The following PTPRM variants were observed in gnomAD, a reference collection of about 807,000 sequenced individuals.
PTPRM encodes the protein protein tyrosine phosphatase receptor type M, also known as receptor-type tyrosine-protein phosphatase mu.
PTPRM carries 47 observed loss-of-function variants against 186.7 expected under a neutral mutation model. That is an observed-to-expected ratio of 0.25 (90% CI 0.20 to 0.32). The LOEUF (loss-of-function observed/expected upper bound fraction) is 0.32, where lower values mean the gene tolerates loss of function less well. Among genes scored for constraint, PTPRM ranks in the 10% least tolerant of loss-of-function variants. PTPRM has a pLI of 1.00. For synonymous variants in PTPRM, 668 were observed against 674.9 expected, an observed-to-expected ratio of 0.99 and a Z score of 0.16; for missense variants, 1,494 against 1,865.0, an observed-to-expected ratio of 0.80 and a Z score of 3.66.
intron 22 of PTPRM, among the ~76,000 whole-genome samples, chr18:8,324,535 G>A (rs957490590): frequency 3.3e-5 from 5 of 152,190 alleles, no homozygotes; most frequent in Non-Finnish European, 5.9e-5. Context: ...ACAGCCAGAA[G>A]GCTGGGATCC....
intron 30 of PTPRM, among the ~76,000 whole-genome samples, chr18:8,386,636 A>G (rs888500633): frequency 1.3e-5 from 2 of 152,260 alleles, no homozygotes; most frequent in Non-Finnish European, 2.9e-5. Flanking sequence ...AAGATTCAAC[A>G]TCAATAAGCA....
intron 2 of PTPRM, among the ~76,000 whole-genome samples, chr18:7,847,253 G>A (rs530509571): frequency 4.0e-5 from 6 of 150,626 alleles, no homozygotes; most frequent in Non-Finnish European, 5.9e-5. Context: ...TGCAGCCTCA[G>A]CCACCCAAGC....
intron 2 of PTPRM, among the ~76,000 whole-genome samples, chr18:7,787,943 GAAT>G (rs1303454584): frequency 1.3e-5 from 2 of 152,224 alleles, no homozygotes; most frequent in East Asian, 3.9e-4. Flanking sequence ...CGTGAACTGA[GAAT>G]AATAAAGTCA....
intron 1 of PTPRM, among the ~76,000 whole-genome samples, chr18:7,772,388 TTTCTTTCTTTCTTTCTTTCTTTCTTTTC>T (rs1298673222): frequency 7.3e-6 from 1 of 137,132 alleles, no homozygotes; most frequent in Admixed American, 7.5e-5. Context: ...TCTTTCTTTC[TTTCTTTCTTTCTTTCTTTCTTTCTTTTC>T]TTTCTTTCTC....
intron 23 of PTPRM, among the ~76,000 whole-genome samples, chr18:8,344,631 C>T (rs1032098830): frequency 8.6e-5 from 13 of 151,768 alleles, no homozygotes; most frequent in Non-Finnish European, 1.6e-4. Flanking sequence ...TTAATAAAGA[C>T]AGCTACTACA....
At chr18:7,661,620 C>G (rs2038982728) in intron 1 of PTPRM, among the ~76,000 whole-genome samples, 1 of 152,232 alleles carries the variant, frequency 6.6e-6, no homozygotes. Flanking sequence ...TGGATAAAAA[C>G]CATCCAGGGG....
intron 1 of PTPRM, among the ~76,000 whole-genome samples, chr18:7,640,704 T>G (rs2038423927): frequency 6.6e-6 from 1 of 152,052 alleles, no homozygotes; most frequent in Non-Finnish European, 1.5e-5. Flanking sequence ...CTCACCTAGT[T>G]TAGTGGAAGA....
intron 23 of PTPRM, among the ~76,000 whole-genome samples, chr18:8,362,100 T>G (rs999485514): frequency 3.9e-5 from 6 of 152,016 alleles, no homozygotes; most frequent in African/African-American, 1.2e-4. Context: ...GCTGCCCTCT[T>G]CTCAAGCAGT....
intron 19 of PTPRM, among the ~76,000 whole-genome samples, chr18:8,260,760 T>A (rs900838952): frequency 6.6e-6 from 1 of 152,208 alleles, no homozygotes; most frequent in African/African-American, 2.4e-5. Flanking sequence ...TCCCTTCAGA[T>A]GCCCTTCCAT....
chr18:7,684,690 A>C (rs1372720497), intron 1 of PTPRM, among the ~76,000 whole-genome samples: 1 of 152,228 alleles, frequency 6.6e-6, no homozygotes, highest in Non-Finnish European at 1.5e-5. Flanking sequence ...TTCTCTTTAA[A>C]GGTGAATAAT....
At chr18:7,915,510 G>A (rs2050505386) in intron 4 of PTPRM, among the ~76,000 whole-genome samples, 1 of 151,966 alleles carries the variant, frequency 6.6e-6, no homozygotes, top group African/African-American at 2.4e-5. Flanking sequence ...CTTTTTCTTG[G>A]GCTCTTTTCC....
chr18:8,101,242 A>T (rs1174715929), intron 11 of PTPRM, among the ~76,000 whole-genome samples: 1 of 152,230 alleles, frequency 6.6e-6, no homozygotes, highest in East Asian at 1.9e-4. Context: ...CCTCAAAGGT[A>T]ATAATAATAT....
chr18:7,986,182 C>T lies in PTPRM; in HGVS notation c.1132+30768C>T, dbSNP rs138500440. Reference sequence around the variant, plus strand: ...TTTGAAATGAATGTGATAACAGATCCCCTATAGTTCAAGTCCTCAGTAGTG... The same window carrying T: ...TTTGAAATGAATGTGATAACAGATCTCCTATAGTTCAAGTCCTCAGTAGTG... On this transcript the variant is annotated intron_variant, in intron 7 of 32. Transcript: ENST00000580170. Among the ~76,000 whole-genome samples the T allele has an allele frequency of 2.4e-3, 372 of 152,136 alleles. 3 individuals are homozygous for T. The highest frequency in any genetic ancestry group is 8.5e-3 in the African/African-American group (352 of 41,488).
At chr18:8,131,208 A>G (rs536566962) in intron 13 of PTPRM, among the ~76,000 whole-genome samples, 46 of 152,302 alleles carry the variant, frequency 3.0e-4, no homozygotes, top group African/African-American at 1.1e-3. Context: ...TATTTACTTG[A>G]ACACCATGTG....
At chr18:7,606,518 T>A (rs552718174) in intron 1 of PTPRM, among the ~76,000 whole-genome samples, 47 of 152,306 alleles carry the variant, frequency 3.1e-4, no homozygotes, top group African/African-American at 1.1e-3. Flanking sequence ...TGATTTTTTT[T>A]TCATGTCTGA....
intron 2 of PTPRM, among the ~76,000 whole-genome samples, chr18:7,779,762 C>T (rs2042765658): frequency 6.6e-6 from 1 of 152,166 alleles, no homozygotes. Context: ...AGACAGTTCT[C>T]TAATTATCCT....
chr18:7,901,342 ATG>A (rs2049670763), intron 3 of PTPRM, among the ~76,000 whole-genome samples: 2 of 152,134 alleles, frequency 1.3e-5, no homozygotes, highest in Non-Finnish European at 2.9e-5. Context: ...CTTGTTTAAG[ATG>A]ACCCTCATCC....
intron 5 of PTPRM, among the ~76,000 whole-genome samples, chr18:7,947,186 A>G (rs11661715): frequency 0.08 from 12,181 of 152,004 alleles, 544 homozygotes; most frequent in South Asian, 0.17. Flanking sequence ...TGAATTCATC[A>G]CTCAGGTGTT....
rs568454956 is a variant in PTPRM, at chr18:7,948,979, G to A, written c.664-202G>A. On this transcript the variant is annotated intron_variant, in intron 5 of 32. Coordinates refer to ENST00000580170, the MANE Select transcript of PTPRM (RefSeq NM_001105244.2). Reference sequence around the variant, plus strand: ...ATGTCTTCACACTTAATTTTGCATCGCTCAGTCTTTAAGGTGTTGATCATG... The same window carrying A: ...ATGTCTTCACACTTAATTTTGCATCACTCAGTCTTTAAGGTGTTGATCATG... 1.1e-3 allele frequency among the ~76,000 whole-genome samples: 168 copies of A among 152,172 alleles called. 1 individual carries two copies. Among genetic ancestry groups the A allele is most frequent in the African/African-American group, 3.8e-3 (159 of 41,530 alleles).
Sources: allele counts gnomAD v4.1 joint callset (sites outside exome capture counted in the v4.1 genomes callset), GRCh38; gene constraint gnomAD v4.1.1; transcripts MANE v1.5; gene names NCBI Gene and HGNC (gene_info 2026-07-23, HGNC 2026-07-21).